The following ZNF536 variants were observed in gnomAD, a reference collection of about 807,000 sequenced individuals.
The protein encoded by ZNF536 is zinc finger protein 536.
A neutral mutation model predicts 84.5 loss-of-function variants in ZNF536; 13 were observed. The ratio of observed to expected loss-of-function variants is 0.15; its 90% CI spans 0.10 to 0.24. The LOEUF is 0.24. ZNF536 is among the 10% of genes least tolerant of loss of function. The probability of loss-of-function intolerance (pLI) is 1.00; values close to 1 mark genes in which losing one functional copy is unlikely to be tolerated. For missense variants in ZNF536, 1,536 were observed against 1,747.5 expected (o/e 0.88, Z 2.16); for synonymous variants, 811 against 742.5 (o/e 1.09, Z -1.50).
chr19:30,405,044 A>G (rs1454068933), intron 1 of ZNF536, among the ~76,000 whole-genome samples: 2 of 152,202 alleles, frequency 1.3e-5, no homozygotes, highest in African/African-American at 4.8e-5. Flanking sequence ...AGGGGAATGT[A>G]TGGGGCATGG....
chr19:30,287,756 GGATGGATT>G, intron 2 of ZNF536, among the ~76,000 whole-genome samples: 1 of 150,492 alleles, frequency 6.6e-6, no homozygotes, highest in Non-Finnish European at 1.5e-5. Flanking sequence ...GTGGATGGAT[GGATGGATT>G]GATGGATGGG....
At chr19:30,505,631 T>TA (rs1252196087) in intron 2 of ZNF536, among the ~76,000 whole-genome samples, 1 of 152,080 alleles carries the variant, frequency 6.6e-6, no homozygotes, top group East Asian at 1.9e-4. Flanking sequence ...ATGACTCCTT[T>TA]ACTGTGGAAG....
intron 2 of ZNF536, among the ~76,000 whole-genome samples, chr19:30,456,578 T>C (rs542777584): frequency 2.9e-4 from 44 of 152,342 alleles, no homozygotes; most frequent in African/African-American, 1.1e-3. Context: ...CCTGTCTCCC[T>C]GAAGCTAGGT....
At chr19:30,570,314 G>T (rs2046500702) in intron 1 of ZNF536, among the ~76,000 whole-genome samples, 1 of 152,156 alleles carries the variant, frequency 6.6e-6, no homozygotes, top group Non-Finnish European at 1.5e-5. Context: ...AGCCGGGTGG[G>T]CTGGAAGGCA....
chr19:30,432,634 C>G (rs10853907), intron 1 of ZNF536, among the ~76,000 whole-genome samples: 152,122 of 152,314 alleles, frequency 1, 75,965 homozygotes, highest in Middle Eastern at 1. Context: ...CTCATGCACG[C>G]GGAGCCCTCA....
chr19:30,436,977 G>A (rs1328051737), intron 1 of ZNF536, among the ~76,000 whole-genome samples: 2 of 152,164 alleles, frequency 1.3e-5, no homozygotes, highest in Admixed American at 6.5e-5. Flanking sequence ...CGATGAAAAA[G>A]GGAATATATT....
chr19:30,537,540 A>G (rs1489044118), intron 3 of ZNF536, among the ~76,000 whole-genome samples: 4 of 152,192 alleles, frequency 2.6e-5, no homozygotes, highest in African/African-American at 9.6e-5. Flanking sequence ...GTGCCTCTCA[A>G]CGAGGGGCTC....
At chr19:30,337,930 T>C (rs1156590130) in intron 2 of ZNF536, among the ~76,000 whole-genome samples, 1 of 151,842 alleles carries the variant, frequency 6.6e-6, no homozygotes, top group African/African-American at 2.4e-5. Flanking sequence ...ATGGTGATGA[T>C]AATGTTGATA....
intron 3 of ZNF536, among the ~76,000 whole-genome samples, chr19:30,546,002 G>C (rs752901178): frequency 1.3e-5 from 2 of 152,184 alleles, no homozygotes; most frequent in African/African-American, 2.4e-5. Context: ...GCTCTCACTC[G>C]TAGGGCAGGA....
intron 2 of ZNF536, among the ~76,000 whole-genome samples, chr19:30,446,145 AG>A (rs745614741): frequency 1.3e-5 from 2 of 148,328 alleles, no homozygotes; most frequent in African/African-American, 2.5e-5. Context: ...GCTATTCGGG[AG>A]GCTAAGGCAG....
intron 1 of ZNF536, among the ~76,000 whole-genome samples, chr19:30,694,550 G>A (rs1266457244): frequency 1.3e-5 from 2 of 152,198 alleles, no homozygotes; most frequent in Non-Finnish European, 2.9e-5. Flanking sequence ...GAATAAGTGG[G>A]ACCCAGCTCC....
intron 2 of ZNF536, among the ~76,000 whole-genome samples, chr19:30,453,756 G>T (rs998266454): frequency 5.9e-5 from 9 of 152,224 alleles, no homozygotes; most frequent in Middle Eastern, 3.2e-3. Flanking sequence ...TGGGCAAAAC[G>T]GGGGCCATGC....
At chr19:30,391,440 G>A (rs572469249) in intron 1 of ZNF536, among the ~76,000 whole-genome samples, 1 of 152,178 alleles carries the variant, frequency 6.6e-6, no homozygotes, top group African/African-American at 2.4e-5. Context: ...GCCGGGCATG[G>A]TGGTGCATGC....
At chr19:30,673,280 G>A (rs1023848412) in intron 1 of ZNF536, among the ~76,000 whole-genome samples, 1 of 152,064 alleles carries the variant, frequency 6.6e-6, no homozygotes, top group Non-Finnish European at 1.5e-5. Flanking sequence ...GGCCCTTCAG[G>A]GGCACACATG....
At chr19:30,586,904 G>A (rs765567797) in intron 1 of ZNF536, among the ~76,000 whole-genome samples, 4 of 152,166 alleles carry the variant, frequency 2.6e-5, no homozygotes, top group Non-Finnish European at 4.4e-5. Context: ...AAAATCATGA[G>A]GAAGAGATTC....
At chr19:30,655,836 C>G (rs760219165) in intron 1 of ZNF536, among the ~76,000 whole-genome samples, 1 of 151,974 alleles carries the variant, frequency 6.6e-6, no homozygotes, top group African/African-American at 2.4e-5. Context: ...CCTAGGAGTT[C>G]GAGACTAGCC....
chr19:30,682,009 A>G (rs2147829860), intron 1 of ZNF536, among the ~76,000 whole-genome samples: 1 of 152,272 alleles, frequency 6.6e-6, no homozygotes, highest in East Asian at 1.9e-4. Context: ...GGAAGGAAAA[A>G]AGGGAGGGCA....
intron 1 of ZNF536, among the ~76,000 whole-genome samples, chr19:30,622,526 C>T (rs987941443): frequency 6.6e-6 from 1 of 152,198 alleles, no homozygotes; most frequent in Admixed American, 6.5e-5. Flanking sequence ...TTGCTGGAGT[C>T]GCATAATAGA....
At chr19:30,676,432 C>G (rs1387478114) in intron 1 of ZNF536, among the ~76,000 whole-genome samples, 1 of 152,156 alleles carries the variant, frequency 6.6e-6, no homozygotes, top group Non-Finnish European at 1.5e-5. Flanking sequence ...AGGTCTGCCT[C>G]GTGATCACAG....
Sources: allele counts gnomAD v4.1 joint callset (sites outside exome capture counted in the v4.1 genomes callset), GRCh38; gene constraint gnomAD v4.1.1; transcripts MANE v1.5; gene names NCBI Gene and HGNC (gene_info 2026-07-23, HGNC 2026-07-21).